Variants in ZNF577 observed in about 807,000 individuals in gnomAD.
ZNF577 encodes zinc finger protein 577.
In ZNF577, 14 loss-of-function variants were observed where a neutral mutation model predicts 13.9. That is an observed-to-expected ratio of 1.00 (90% CI 0.66 to 1.57). The LOEUF is 1.57. ZNF577 is among the 40% of genes most tolerant of loss of function. The pLI is 0.00. For synonymous variants in ZNF577, 203 were observed against 202.9 expected (o/e 1.00, Z 0.00); for missense variants, 555 against 579.2 (o/e 0.96, Z 0.43).
At position 51,878,414 on chromosome 19, in the gene ZNF577, C is replaced by A; in HGVS notation, c.162G>T (p.Glu54Asp). ...QKVLYKEVML[E>D]NYINLVSIGY... ...CTATTGATACTAGGTTGATGTAGTT[C>A]TCCAACATTACTTCCTTGTACAAGA... Residue 54 changes from glutamate (E) to aspartate (D), a missense_variant, in exon 4 of 6, where the codon GAG (glutamate) becomes GAT (aspartate). Coordinates refer to ENST00000638348, the MANE Select transcript of ZNF577 (RefSeq NM_001370449.1). The A allele has an allele frequency of 6.2e-7, 1 of 1,614,040 alleles. No individual in the cohort carries two copies. The highest frequency in any genetic ancestry group is 1.3e-5 in the African/African-American group (1 of 75,020).
chr19:51,886,434 T>C (rs2084948274), intron 1 of ZNF577: 2 of 152,198 alleles, frequency 1.3e-5, no homozygotes, highest in African/African-American at 4.8e-5. Flanking sequence ...AAGATATCTT[T>C]TCATTTTTTG....
intron 9 of ZNF577, among the ~76,000 whole-genome samples, chr19:51,812,205 T>A (rs1025372968): frequency 6.6e-6 from 1 of 152,110 alleles, no homozygotes; most frequent in African/African-American, 2.4e-5. Context: ...GATCACTTAG[T>A]CCCCCAGTTA....
chr19:51,812,724 T>C (rs1284384273), intron 9 of ZNF577, among the ~76,000 whole-genome samples: 1 of 152,220 alleles, frequency 6.6e-6, no homozygotes, highest in Non-Finnish European at 1.5e-5. Flanking sequence ...GACAACCTCC[T>C]CTAAGAAGAT....
chr19:51,877,438 G>C, intron 4 of ZNF577, 61 bp from the exon 5 acceptor site: 1 of 1,378,062 alleles, frequency 7.3e-7, no homozygotes, highest in Non-Finnish European at 1.0e-6. Context: ...TGAAGATGGA[G>C]AGGGTTATGT....
intron 8 of ZNF577, among the ~76,000 whole-genome samples, chr19:51,841,980 G>T (rs1453696771): frequency 6.6e-6 from 1 of 152,160 alleles, no homozygotes; most frequent in African/African-American, 2.4e-5. Flanking sequence ...AAAGTGATCT[G>T]CAGATACACA....
At chr19:51,811,969 C>T (rs2084100231) in intron 9 of ZNF577, among the ~76,000 whole-genome samples, 1 of 152,154 alleles carries the variant, frequency 6.6e-6, no homozygotes, top group Non-Finnish European at 1.5e-5. Flanking sequence ...TCACTTTGCC[C>T]ATATTGTCTT....
intron 9 of ZNF577, among the ~76,000 whole-genome samples, chr19:51,837,327 G>A (rs759725889): frequency 6.6e-5 from 10 of 152,320 alleles, no homozygotes; most frequent in Admixed American, 1.3e-4. Flanking sequence ...GGTTGATACA[G>A]CTGAGCGCTG....
intron 10 of ZNF577, among the ~76,000 whole-genome samples, chr19:51,805,425 A>AT (rs1335367766): frequency 1.3e-5 from 2 of 152,196 alleles, no homozygotes; most frequent in African/African-American, 4.8e-5. Context: ...TAAATCAAGA[A>AT]TTTTGTTTTG....
rs959046272 is a variant in ZNF577 at position 51,878,497 on chromosome 19, C to G, written c.79G>C (p.Asp27His). 3 of 1,613,998 alleles carry G rather than the reference C, an allele frequency of 1.9e-6. No homozygotes were observed. In the African/African-American group the frequency reaches 4.0e-5, roughly 22 times the overall value. ...SSGEGSLSFE[D>H]VAVGFTREEW... is the part of the protein sequence containing the mutation. ...TCCCTGGTGAAGCCCACAGCCACAT[C>G]TTCGAATGACAATGACCCCTATAAT... is the stretch of plus-strand genomic sequence containing the variant. The change falls in exon 4 of 6, where the codon GAT becomes CAT. Residue 27 changes from aspartate to histidine, a missense_variant. By Grantham distance (81) the Asp-to-His change is moderately conservative (BLOSUM62 -1). Transcript: ENST00000638348.
chr19:51,812,643 C>T (rs1162678354), intron 9 of ZNF577, among the ~76,000 whole-genome samples: 1 of 152,180 alleles, frequency 6.6e-6, no homozygotes, highest in Non-Finnish European at 1.5e-5. Flanking sequence ...TGGCATCACA[C>T]ACAAGCTTTG....
At chr19:51,822,968 T>C (rs971769691) in intron 9 of ZNF577, among the ~76,000 whole-genome samples, 1 of 152,072 alleles carries the variant, frequency 6.6e-6, no homozygotes, top group African/African-American at 2.4e-5. Flanking sequence ...GTTCAAGCAA[T>C]TCTCCTGCCT....
At chr19:51,857,419 A>AAAGG (rs1491213911) in intron 5 of ZNF577, among the ~76,000 whole-genome samples, 2 of 115,426 alleles carry the variant, frequency 1.7e-5, no homozygotes, top group Non-Finnish European at 3.4e-5. Context: ...AGAAAGAAAG[A>AAAGG]AAGAAAGAAA....
intron 1 of ZNF577, among the ~76,000 whole-genome samples, chr19:51,883,640 G>C (rs2084898943): frequency 6.6e-6 from 1 of 151,936 alleles, no homozygotes; most frequent in Non-Finnish European, 1.5e-5. Flanking sequence ...AGCTGTTATA[G>C]AATTAAAGAG....
At chr19:51,813,782 C>G (rs538509048) in intron 9 of ZNF577, among the ~76,000 whole-genome samples, 1 of 152,220 alleles carries the variant, frequency 6.6e-6, no homozygotes, top group African/African-American at 2.4e-5. Context: ...GATCCACCCA[C>G]CTCGGCCTCC....
chr19:51,877,475 G>A (rs919055360), intron 4 of ZNF577, 98 bp from the exon 5 acceptor site: 1 of 974,750 alleles, frequency 1.0e-6, no homozygotes, highest in African/African-American at 1.6e-5. Context: ...TTTGCACTTT[G>A]ATAAAGCAAA....
chr19:51,823,718 G>A lies in ZNF577; in HGVS notation c.*600-12044C>T, dbSNP rs529548789. The A allele has an allele frequency of 1.6e-5, 25 of 1,517,542 alleles. No homozygotes were observed. In the South Asian group the frequency reaches 2.8e-4, roughly 17 times the overall value. 94.0% of individuals were successfully genotyped at this position (1,517,542 alleles called of 1,614,324 possible). ...AAGATGGTGTCACAGCTGAGAAATG[G>A]CCATTGCTGAAATGTTTCAGGTGTG... On this transcript the variant is annotated intron_variant and NMD_transcript_variant, in intron 9 of 10. Transcript: ENST00000638827.
intron 1 of ZNF577, among the ~76,000 whole-genome samples, chr19:51,883,431 T>C (rs1003217853): frequency 6.6e-6 from 1 of 152,090 alleles, no homozygotes; most frequent in Non-Finnish European, 1.5e-5. Context: ...AGCCTCATGG[T>C]ATAGTTTAAC....
At chr19:51,841,026 T>C (rs2084317360) in intron 8 of ZNF577, 1 of 152,154 alleles carries the variant, frequency 6.6e-6, no homozygotes, top group South Asian at 2.1e-4. Flanking sequence ...ATTAGGAAAT[T>C]GTTAGTCCAA....
rs1331676045 is a variant in ZNF577, at chr19:51,867,963, G to T, written c.*4569C>A. Among the ~76,000 whole-genome samples the T allele has an allele frequency of 6.6e-6, 1 of 152,128 alleles. No homozygotes were observed. The highest frequency in any genetic ancestry group is 1.5e-5 in the Non-Finnish European group (1 of 68,018). On this transcript the variant is annotated 3_prime_UTR_variant, in exon 6 of 6. Transcript: ENST00000638348. ...CCTGGAATGTCTTCTCCCTTGCATG[G>T]GATCAGAGCCAGGCAAGTTCTGGTG... is the stretch of plus-strand genomic sequence containing the variant.
Sources: gnomAD v4.1 joint callset for allele counts (sites outside exome capture counted in the v4.1 genomes callset) on GRCh38, gnomAD v4.1.1 for gene constraint, MANE v1.5 for transcripts, NCBI Gene and HGNC (gene_info 2026-07-23, HGNC 2026-07-21) for gene names.